The following SDCBP variants were observed in gnomAD, a reference collection of about 807,000 sequenced individuals.
SDCBP encodes the protein syntenin-1.
Under a neutral mutation model 30.5 loss-of-function variants are expected in SDCBP, and 22 were observed. That is an observed-to-expected ratio of 0.72 (90% CI 0.52 to 1.03). The LOEUF (loss-of-function observed/expected upper bound fraction) is 1.03. Among genes scored for constraint, SDCBP ranks in the 50% least tolerant of loss-of-function variants. The probability of loss-of-function intolerance (pLI) is 0.00; values close to 1 mark genes in which losing one functional copy is unlikely to be tolerated. For missense variants in SDCBP, 304 were observed against 369.9 expected (o/e 0.82, Z 1.46); for synonymous variants, 103 against 118.7 (o/e 0.87, Z 0.86).
At chr8:58,581,447 ATTCATTTGTAT>A (rs976154579) in intron 8 of SDCBP, among the ~76,000 whole-genome samples, 5 of 152,156 alleles carry the variant, frequency 3.3e-5, no homozygotes, top group Admixed American at 1.3e-4. Flanking sequence ...ATGCACAGGA[ATTCATTTGTAT>A]CCTAACTTCT....
At chr8:58,559,304 CCAGGTAA>C (rs1460712380) in intron 1 of SDCBP, among the ~76,000 whole-genome samples, 3 of 152,098 alleles carry the variant, frequency 2.0e-5, no homozygotes, top group Non-Finnish European at 4.4e-5. Context: ...TATTAGATGG[CCAGGTAA>C]CATTCTTTTC....
chr8:58,554,080 C>G (rs1473802465), intron 1 of SDCBP, among the ~76,000 whole-genome samples: 1 of 152,148 alleles, frequency 6.6e-6, no homozygotes, highest in Non-Finnish European at 1.5e-5. Context: ...ATTATTGAGT[C>G]ATGGAGTCTT....
At chr8:58,564,601 T>C (rs1481987050) in intron 1 of SDCBP, among the ~76,000 whole-genome samples, 1 of 152,226 alleles carries the variant, frequency 6.6e-6, no homozygotes, top group East Asian at 1.9e-4. Context: ...GATCTGCTTT[T>C]AGGCTTTTAT....
At chr8:58,556,723 G>A (rs1563501321) in intron 1 of SDCBP, among the ~76,000 whole-genome samples, 1 of 151,054 alleles carries the variant, frequency 6.6e-6, no homozygotes, top group Non-Finnish European at 1.5e-5. Context: ...GAGGGCCTTC[G>A]TTCTGTACAC....
At chr8:58,576,230 G>T in intron 5 of SDCBP, 169 bp downstream of exon 5, 1 of 591,108 alleles carries the variant, frequency 1.7e-6, no homozygotes, top group Non-Finnish European at 2.9e-6. Flanking sequence ...GTTCTATTTT[G>T]CAGAGGCATA....
chr8:58,567,901 TG>T (rs1804787926), intron 2 of SDCBP, among the ~76,000 whole-genome samples: 2 of 152,258 alleles, frequency 1.3e-5, no homozygotes, highest in South Asian at 4.2e-4. Context: ...AGATTTAAAA[TG>T]GTACATCTGT....
chr8:58,565,147 A>T (rs756355950), intron 2 of SDCBP, 63 bp downstream of exon 2: 21 of 797,652 alleles, frequency 2.6e-5, no homozygotes, highest in African/African-American at 3.6e-5. Flanking sequence ...CTTATAGGTG[A>T]AATAAAGCAA....
chr8:58,554,359 C>T (rs902972578), intron 1 of SDCBP, among the ~76,000 whole-genome samples: 1 of 152,070 alleles, frequency 6.6e-6, no homozygotes, highest in Non-Finnish European at 1.5e-5. Context: ...TTTTATTTTC[C>T]TGTTTAAGAT....
intron 1 of SDCBP, among the ~76,000 whole-genome samples, chr8:58,564,767 C>G (rs1289457511): frequency 6.6e-6 from 1 of 152,150 alleles, no homozygotes; most frequent in East Asian, 1.9e-4. Context: ...GGGACTTTTA[C>G]TTGAATTTTA....
intron 2 of SDCBP, among the ~76,000 whole-genome samples, chr8:58,566,630 A>T (rs895754388): frequency 6.6e-6 from 1 of 152,206 alleles, no homozygotes; most frequent in African/African-American, 2.4e-5. Flanking sequence ...ATTTAAAAAT[A>T]TTCCTAATTT....
chr8:58,561,668 C>T, intron 1 of SDCBP: 2 of 591,002 alleles, frequency 3.4e-6, no homozygotes, highest in Non-Finnish European at 6.0e-6. Context: ...GAGTTCATCA[C>T]CACTATATCT....
chr8:58,561,929 GAGA>G (rs1804461075), intron 1 of SDCBP: 1 of 517,340 alleles, frequency 1.9e-6, no homozygotes, highest in Non-Finnish European at 3.4e-6. Flanking sequence ...GGGGATGGAT[GAGA>G]AGAAGCAGTA....
At chr8:58,568,963 C>T (rs1290338362) in intron 2 of SDCBP, among the ~76,000 whole-genome samples, 1 of 152,142 alleles carries the variant, frequency 6.6e-6, no homozygotes, top group Non-Finnish European at 1.5e-5. Flanking sequence ...TGGTTCACTG[C>T]AGCGTCCATC....
At chr8:58,558,168 C>T (rs1263688559) in intron 1 of SDCBP, among the ~76,000 whole-genome samples, 3 of 152,296 alleles carry the variant, frequency 2.0e-5, no homozygotes, top group South Asian at 2.1e-4. Flanking sequence ...TTCAAAAGTA[C>T]GGACTTGCCC....
chr8:58,578,295 T>G (rs553495762), intron 6 of SDCBP, 87 bp downstream of exon 6: 1 of 1,006,594 alleles, frequency 9.9e-7, no homozygotes, highest in African/African-American at 1.7e-5. Flanking sequence ...TATATTATTT[T>G]GTTGCAGAAA....
intron 1 of SDCBP, among the ~76,000 whole-genome samples, chr8:58,554,516 G>T (rs549165138): frequency 6.6e-6 from 1 of 152,176 alleles, no homozygotes; most frequent in East Asian, 1.9e-4. Context: ...CTTTTAAAAT[G>T]GTCAGTAAAT....
chr8:58,553,869 G>A (rs557722960), intron 1 of SDCBP, among the ~76,000 whole-genome samples: 1 of 152,338 alleles, frequency 6.6e-6, no homozygotes, highest in African/African-American at 2.4e-5. Context: ...GTGGGGAGAG[G>A]TTGTTCGCTT....
At chr8:58,553,842 G>A (rs1803956063) in intron 1 of SDCBP, among the ~76,000 whole-genome samples, 2 of 152,222 alleles carry the variant, frequency 1.3e-5, no homozygotes, top group African/African-American at 2.4e-5. Context: ...GCGAAGCCTT[G>A]ACTTTTTTGG....
chr8:58,565,760 AATT>A (rs1369719370), intron 2 of SDCBP, among the ~76,000 whole-genome samples: 5 of 152,176 alleles, frequency 3.3e-5, no homozygotes, highest in Admixed American at 6.5e-5. Flanking sequence ...AATTTTTGGT[AATT>A]ATTTTAATTG....
Sources: allele counts gnomAD v4.1 joint callset (sites outside exome capture counted in the v4.1 genomes callset), GRCh38; gene constraint gnomAD v4.1.1; transcripts MANE v1.5; gene names NCBI Gene and HGNC (gene_info 2026-07-23, HGNC 2026-07-21).